FSTL5: variants seen among roughly 807,000 people sequenced by gnomAD.
FSTL5 encodes follistatin-related protein 5.
Under a neutral mutation model 89.1 loss-of-function variants are expected in FSTL5, and 62 were observed. That is an observed-to-expected ratio of 0.70 (90% CI 0.57 to 0.86). The LOEUF is 0.86. Ranked by LOEUF, FSTL5 falls within the 40% of genes least tolerant of loss-of-function variation. The pLI, the probability that FSTL5 is intolerant of heterozygous loss-of-function variation, is 0.00. For missense variants in FSTL5, 1,057 were observed against 1,001.6 expected (o/e 1.06, Z -0.75); for synonymous variants, 383 against 346.2 (o/e 1.11, Z -1.18).
At chr4:161,536,989 G>A (rs1484207771) in intron 10 of FSTL5, among the ~76,000 whole-genome samples, 1 of 152,072 alleles carries the variant, frequency 6.6e-6, no homozygotes, top group Non-Finnish European at 1.5e-5. Context: ...ACCTTATGCA[G>A]GCCATTAAAT....
At chr4:162,157,140 T>C (rs1181579696) in intron 1 of FSTL5, among the ~76,000 whole-genome samples, 1 of 151,744 alleles carries the variant, frequency 6.6e-6, no homozygotes, top group Non-Finnish European at 1.5e-5. Flanking sequence ...AAGGTAAAAA[T>C]GATAAGAGAA....
At chr4:161,667,098 T>C (rs944456578) in intron 6 of FSTL5, among the ~76,000 whole-genome samples, 1 of 152,074 alleles carries the variant, frequency 6.6e-6, no homozygotes, top group Non-Finnish European at 1.5e-5. Flanking sequence ...ATATTGACAA[T>C]AGTGAATCTC....
At chr4:161,541,129 A>G (rs572805051) in intron 9 of FSTL5, among the ~76,000 whole-genome samples, 25 of 152,242 alleles carry the variant, frequency 1.6e-4, no homozygotes, top group African/African-American at 5.8e-4. Context: ...TGAGTAGATA[A>G]TTAAACAGTT....
intron 3 of FSTL5, among the ~76,000 whole-genome samples, chr4:161,993,563 T>G (rs1337416353): frequency 8.5e-5 from 13 of 152,134 alleles, no homozygotes. Flanking sequence ...TTTTGATATA[T>G]GCATATAATA....
At position 161,894,480 on chromosome 4, in the gene FSTL5, C is replaced by A. The variant is rs10003227; in HGVS notation, c.409+25924G>T. ...CAGATGTTTCTTTCTCTATATATAT[C>A]TTTTTTCTTTTTTCTTTTGAGATAG... On this transcript the variant is annotated intron_variant, in intron 4 of 15. Transcript: ENST00000306100. Among the ~76,000 whole-genome samples, 176 of 152,188 alleles carry A rather than the reference C, an allele frequency of 1.2e-3. 1 individual carries two copies. Among genetic ancestry groups the A allele is most frequent in the South Asian group, 8.1e-3 (39 of 4,820 alleles).
At chr4:161,787,004 G>C (rs1417342139) in intron 4 of FSTL5, among the ~76,000 whole-genome samples, 2 of 152,058 alleles carry the variant, frequency 1.3e-5, no homozygotes, top group African/African-American at 4.8e-5. Flanking sequence ...TTTAACAATA[G>C]CTTATTATGA....
At chr4:161,841,411 T>C (rs184160582) in intron 4 of FSTL5, among the ~76,000 whole-genome samples, 3 of 152,336 alleles carry the variant, frequency 2.0e-5, no homozygotes, top group Admixed American at 1.3e-4. Flanking sequence ...CATCTGATGA[T>C]ATTAAAATAA....
At chr4:161,648,346 C>T (rs1736222360) in intron 7 of FSTL5, among the ~76,000 whole-genome samples, 1 of 152,170 alleles carries the variant, frequency 6.6e-6, no homozygotes, top group Non-Finnish European at 1.5e-5. Context: ...GCCCCACAGC[C>T]TGCCCATCTA....
At chr4:162,035,906 A>G (rs1201059829) in intron 2 of FSTL5, among the ~76,000 whole-genome samples, 1 of 152,106 alleles carries the variant, frequency 6.6e-6, no homozygotes, top group Non-Finnish European at 1.5e-5. Context: ...AGATGACTCC[A>G]AGGGTCTGAG....
At chr4:161,790,562 A>G (rs1729434792) in intron 4 of FSTL5, among the ~76,000 whole-genome samples, 1 of 152,146 alleles carries the variant, frequency 6.6e-6, no homozygotes, top group Non-Finnish European at 1.5e-5. Context: ...TAATGAGGGG[A>G]TTTTTCATGA....
chr4:161,974,755 A>T (rs1227788863), intron 3 of FSTL5, among the ~76,000 whole-genome samples: 23 of 134,558 alleles, frequency 1.7e-4, no homozygotes, highest in Non-Finnish European at 3.3e-4. Context: ...GACAAATGGG[A>T]TCTAATTAAA....
At chr4:161,476,187 TTG>T (rs1315068652) in intron 13 of FSTL5, among the ~76,000 whole-genome samples, 19 of 107,482 alleles carry the variant, frequency 1.8e-4, no homozygotes, top group Non-Finnish European at 3.2e-4. Flanking sequence ...TTTTTTTTTT[TTG>T]TTTGTTTGTT....
intron 2 of FSTL5, among the ~76,000 whole-genome samples, chr4:162,040,292 G>A (rs1434429140): frequency 6.6e-6 from 1 of 152,078 alleles, no homozygotes; most frequent in Admixed American, 6.6e-5. Flanking sequence ...GACCCACTAA[G>A]TAATATGGAT....
intron 7 of FSTL5, among the ~76,000 whole-genome samples, chr4:161,591,411 T>C (rs146972037): frequency 6.6e-6 from 1 of 152,324 alleles, no homozygotes; most frequent in East Asian, 1.9e-4. Context: ...ATTTTGCTAA[T>C]ATACTAGAAA....
intron 15 of FSTL5, among the ~76,000 whole-genome samples, chr4:161,420,701 TATGA>T (rs1226282544): frequency 6.6e-6 from 1 of 151,248 alleles, no homozygotes. Context: ...GTATTGAGGA[TATGA>T]ATACCATTCA....
At chr4:161,597,942 G>A (rs17041219) in intron 7 of FSTL5, among the ~76,000 whole-genome samples, 26,276 of 152,138 alleles carry the variant, frequency 0.17, 2,369 homozygotes, top group Middle Eastern at 0.32. Context: ...TATTCATTGA[G>A]AACATGATAA....
chr4:161,970,589 A>C (rs1163892651), intron 3 of FSTL5, among the ~76,000 whole-genome samples: 1 of 152,144 alleles, frequency 6.6e-6, no homozygotes. Context: ...AAGAGAAAAA[A>C]GTAAAATGCT....
intron 2 of FSTL5, among the ~76,000 whole-genome samples, chr4:162,085,633 C>T (rs1043707531): frequency 5.9e-5 from 9 of 152,026 alleles, no homozygotes; most frequent in Admixed American, 3.9e-4. Flanking sequence ...GTTACATCAC[C>T]AGTTTCATTA....
At chr4:161,780,969 T>C (rs375979502) in intron 4 of FSTL5, among the ~76,000 whole-genome samples, 2 of 152,210 alleles carry the variant, frequency 1.3e-5, no homozygotes, top group East Asian at 1.9e-4. Flanking sequence ...CCATGTTTTA[T>C]CTTTTTGACA....
Sources: allele counts gnomAD v4.1 joint callset (sites outside exome capture counted in the v4.1 genomes callset), GRCh38; gene constraint gnomAD v4.1.1; transcripts MANE v1.5; gene names NCBI Gene and HGNC (gene_info 2026-07-23, HGNC 2026-07-21).